CRACD: variants seen among roughly 807,000 people sequenced by gnomAD.
The protein encoded by CRACD is capping protein-inhibiting regulator of actin dynamics.
In CRACD, 56 loss-of-function variants were observed where a neutral mutation model predicts 106.8. The ratio of observed to expected loss-of-function variants is 0.52; its 90% CI spans 0.42 to 0.66. The LOEUF (loss-of-function observed/expected upper bound fraction) is 0.66, where lower values mean the gene tolerates loss of function less well. CRACD is among the 30% of genes least tolerant of loss of function. CRACD has a pLI of 0.00. For synonymous variants in CRACD, 754 were observed against 670.8 expected (o/e 1.12, Z -1.92); for missense variants, 1,730 against 1,623.2 (o/e 1.07, Z -1.13).
At position 56,314,393 on chromosome 4, in the gene CRACD, G is replaced by T. The variant is rs1291007184; in HGVS notation, c.891G>T (p.Ala297=). ...PREEQQRSLE[A]PGWEDAERRE... is the part of the protein sequence containing the mutation. ...AAGAGCAGCAGCGGAGCCTGGAAGC[G>T]CCAGGTTGGGAGGACGCGGAGCGGA... The change falls in exon 8 of 11, where the codon GCG becomes GCT. Residue 297 remains alanine, a synonymous_variant. Coordinates refer to ENST00000682029, the MANE Select transcript of CRACD (RefSeq NM_001393381.1). The surrounding 1 kb of genome is among the most constrained non-coding windows in gnomAD (Gnocchi z 4.4). The T allele has an allele frequency of 6.5e-6, 10 of 1,546,678 alleles. No individual in the cohort carries two copies. Among genetic ancestry groups the T allele is most frequent in the East Asian group, 2.4e-5 (1 of 40,856 alleles).
At chr4:56,323,722 C>A (rs998079424) in intron 9 of CRACD, among the ~76,000 whole-genome samples, 155 bp downstream of exon 9, 3 of 152,134 alleles carry the variant, frequency 2.0e-5, no homozygotes, top group Non-Finnish European at 4.4e-5. Context: ...ACCAGGGAAG[C>A]GTTTTCAGTG....
At chr4:56,070,844 A>G (rs938318614) in intron 1 of CRACD, among the ~76,000 whole-genome samples, 1 of 25,716 alleles carries the variant, frequency 3.9e-5, no homozygotes, top group Admixed American at 3.1e-4. Context: ...GCCAGGGGCT[A>G]TGCTGTGTGT....
At chr4:56,153,523 C>T (rs538676301) in intron 1 of CRACD, among the ~76,000 whole-genome samples, 24 of 152,148 alleles carry the variant, frequency 1.6e-4, no homozygotes, top group Non-Finnish European at 3.1e-4. Flanking sequence ...AGCCCTCCTT[C>T]CTCCTGTTTC....
At chr4:56,065,382 C>T (rs950139210) in intron 1 of CRACD, among the ~76,000 whole-genome samples, 10 of 152,276 alleles carry the variant, frequency 6.6e-5, no homozygotes, top group African/African-American at 2.2e-4. Flanking sequence ...GCCACTGCGC[C>T]CAGCACCATG....
chr4:56,057,767 G>C (rs1192478631), intron 1 of CRACD, among the ~76,000 whole-genome samples: 1 of 143,508 alleles, frequency 7.0e-6, no homozygotes, highest in African/African-American at 2.6e-5. Context: ...GGGATTACAG[G>C]TGTGCGCCAC....
chr4:56,191,623 G>A (rs1021764182), intron 2 of CRACD, among the ~76,000 whole-genome samples: 2 of 152,186 alleles, frequency 1.3e-5, no homozygotes, highest in Admixed American at 6.5e-5. Flanking sequence ...GAAAGTGGAC[G>A]TCTTTGGAGA....
chr4:56,081,329 C>T (rs191814689), intron 1 of CRACD, among the ~76,000 whole-genome samples: 5 of 152,294 alleles, frequency 3.3e-5, no homozygotes, highest in Admixed American at 1.3e-4. Context: ...ACTGAGATAG[C>T]GCACTCAGGT....
intron 1 of CRACD, among the ~76,000 whole-genome samples, chr4:56,059,547 C>G (rs185596560): frequency 2.2e-4 from 34 of 152,272 alleles, no homozygotes; most frequent in Admixed American, 2.2e-3. Flanking sequence ...CATTTTCTCT[C>G]GTGTCAACCA....
chr4:56,215,086 T>C (rs1053364468), intron 2 of CRACD, among the ~76,000 whole-genome samples: 3 of 152,274 alleles, frequency 2.0e-5, no homozygotes, highest in East Asian at 1.9e-4. Flanking sequence ...CATAGCTTAC[T>C]CTAACTTCAA....
intron 3 of CRACD, among the ~76,000 whole-genome samples, chr4:56,293,716 T>C (rs760712577): frequency 3.3e-5 from 5 of 152,118 alleles, no homozygotes; most frequent in Non-Finnish European, 7.4e-5. Context: ...CAACAGGATC[T>C]TGCAAGAACT....
intron 1 of CRACD, among the ~76,000 whole-genome samples, chr4:56,129,966 T>C: frequency 6.6e-6 from 1 of 152,184 alleles, no homozygotes; most frequent in East Asian, 1.9e-4. Flanking sequence ...GCTATATAGC[T>C]ATGTTTTTCT....
chr4:56,294,330 C>T (rs1346207309), intron 3 of CRACD, among the ~76,000 whole-genome samples: 7 of 151,866 alleles, frequency 4.6e-5, no homozygotes, highest in Non-Finnish European at 1.0e-4. Context: ...ATTTTATATC[C>T]ACTAATTAAA....
At chr4:56,112,269 C>A (rs903611790) in intron 1 of CRACD, among the ~76,000 whole-genome samples, 3 of 152,110 alleles carry the variant, frequency 2.0e-5, no homozygotes. Flanking sequence ...TGAGGAGAAT[C>A]GGGCAGCTCA....
At chr4:56,140,752 C>T (rs1416112196) in intron 1 of CRACD, among the ~76,000 whole-genome samples, 1 of 152,180 alleles carries the variant, frequency 6.6e-6, no homozygotes, top group Non-Finnish European at 1.5e-5. Flanking sequence ...GGTCTCTCAT[C>T]CTCACTTTCA....
chr4:56,215,669 G>T (rs28658475), intron 2 of CRACD, among the ~76,000 whole-genome samples: 6,456 of 152,218 alleles, frequency 0.042, 160 homozygotes, highest in Non-Finnish European at 0.045. Context: ...ATAGATATTT[G>T]TTGATTGCCT....
At chr4:56,278,453 C>A (rs911085663) in intron 3 of CRACD, among the ~76,000 whole-genome samples, 2 of 152,124 alleles carry the variant, frequency 1.3e-5, no homozygotes, top group African/African-American at 4.8e-5. Flanking sequence ...TGGATAGCCA[C>A]ATGCAAAAGA....
chr4:56,255,340 T>C (rs1220015368), intron 2 of CRACD, among the ~76,000 whole-genome samples: 1 of 152,080 alleles, frequency 6.6e-6, no homozygotes, highest in Non-Finnish European at 1.5e-5. Flanking sequence ...CAATAAACAC[T>C]CTTTTCTTCA....
chr4:56,211,998 G>T (rs1428379653), intron 2 of CRACD, among the ~76,000 whole-genome samples: 1 of 152,100 alleles, frequency 6.6e-6, no homozygotes, highest in Non-Finnish European at 1.5e-5. Context: ...GACCTGCTGG[G>T]CTGTATCCCC....
At chr4:56,156,922 G>A (rs1735780724) in intron 1 of CRACD, among the ~76,000 whole-genome samples, 1 of 152,148 alleles carries the variant, frequency 6.6e-6, no homozygotes, top group African/African-American at 2.4e-5. Context: ...TTCTGTATAA[G>A]GGCAGAGATT....
Sources: gnomAD v4.1 joint callset for allele counts (sites outside exome capture counted in the v4.1 genomes callset) on GRCh38, gnomAD v4.1.1 for gene constraint, Gnocchi (gnomAD v3.1) non-coding constraint, MANE v1.5 for transcripts, NCBI Gene and HGNC (gene_info 2026-07-23, HGNC 2026-07-21) for gene names.